The following MT3 variants were observed in gnomAD, a reference collection of about 807,000 sequenced individuals.
MT3 encodes the protein metallothionein 3, also known as metallothionein-3.
In MT3, 8 loss-of-function variants were observed where a neutral mutation model predicts 10.9. The observed-to-expected ratio is 0.73, with a 90% CI of 0.43 to 1.33. The LOEUF (loss-of-function observed/expected upper bound fraction) is 1.33, where lower values mean the gene tolerates loss of function less well. Among genes scored for constraint, MT3 ranks in the 40% most tolerant of loss-of-function variants. The pLI, the probability that MT3 is intolerant of heterozygous loss-of-function variation, is 0.01. For synonymous variants in MT3, 32 were observed against 29.9 expected (o/e 1.07, Z -0.23); for missense variants, 75 against 83.9 (o/e 0.89, Z 0.41).
chr16:56,589,930 A>G lies in MT3; in HGVS notation c.92A>G (p.Lys31Arg), dbSNP rs147656753. 63 of 1,613,964 alleles carry G rather than the reference A, an allele frequency of 3.9e-5. No homozygotes were observed. Among genetic ancestry groups the G allele is most frequent in the Middle Eastern group, 1.6e-4 (1 of 6,084 alleles). Residue 31 changes from lysine to arginine, a missense_variant, in exon 2 of 3, where the codon AAG becomes AGG. By Grantham distance (26) the Lys-to-Arg change is conservative. Transcript: ENST00000200691. The part of the protein sequence containing the change: ...KCEGCKCTSC[K>R]KSCCSCCPAE... Reference sequence around the variant, plus strand: ...GAGGGATGCAAATGCACCTCCTGCAAGAAGAGTGAGTGCGGGGACCCTTCC... The same window carrying G: ...GAGGGATGCAAATGCACCTCCTGCAGGAAGAGTGAGTGCGGGGACCCTTCC...
At chr16:56,590,766 C>A in intron 2 of MT3, 74 bp from the exon 3 acceptor site, 1 of 1,466,274 alleles carries the variant, frequency 6.8e-7, no homozygotes. Context: ...ACCCAGCACC[C>A]TTCCCTCCCC....
At chr16:56,590,631 G>A (rs1959810933) in intron 2 of MT3, 2 of 581,314 alleles carry the variant, frequency 3.4e-6, no homozygotes, top group East Asian at 2.9e-5. Flanking sequence ...GTCATTTCCT[G>A]GGTACCTCAC....
intron 2 of MT3, 35 bp downstream of exon 2, chr16:56,589,970 C>G (rs776637815): frequency 1.9e-6 from 3 of 1,609,036 alleles, no homozygotes; most frequent in South Asian, 1.1e-5. Flanking sequence ...TGCCGCCGCC[C>G]CCTCTGCTCT....
At chr16:56,589,773 C>T (rs781479270) in intron 1 of MT3, 97 bp from the exon 2 acceptor site, 7 of 1,576,742 alleles carry the variant, frequency 4.4e-6, no homozygotes, top group Admixed American at 1.7e-5. Flanking sequence ...GCCTGTGTCG[C>T]GGAGAACAGG....
chr16:56,589,771 C>T, intron 1 of MT3, 99 bp from the exon 2 acceptor site: 2 of 1,574,550 alleles, frequency 1.3e-6, no homozygotes, highest in East Asian at 2.2e-5. Context: ...ATGCCTGTGT[C>T]GCGGAGAACA....
In MT3 at chr16:56,589,955, C is replaced by T. The variant is rs1185965892; in HGVS notation, c.97+20C>T. 1.3e-5 allele frequency: 21 copies of T among 1,613,332 alleles called. No individual in the cohort carries two copies. The highest frequency in any genetic ancestry group is 1.7e-5 in the Non-Finnish European group (20 of 1,179,648). On this transcript the variant is annotated intron_variant, in intron 2 of 2. Coordinates refer to ENST00000200691, the MANE Select transcript of MT3 (RefSeq NM_005954.4). ...AGAAGAGTGAGTGCGGGGACCCTTC[C>T]CCTCTGCCGCCGCCCCCTCTGCTCT... is the stretch of plus-strand genomic sequence containing the variant.
chr16:56,590,939 G>A lies in MT3; in HGVS notation c.197G>A (p.Cys66Tyr). 3.7e-6 allele frequency: 6 copies of A among 1,613,262 alleles called. No individual in the cohort carries two copies. Among genetic ancestry groups the A allele is most frequent in the Non-Finnish European group, 5.1e-6 (6 of 1,179,774 alleles). The change falls in exon 3 of 3, where the codon TGC (cysteine) becomes TAC (tyrosine). Residue 66 changes from cysteine to tyrosine, a missense_variant. Physicochemically the swap from Cys to Tyr is radical, Grantham distance 194. Coordinates refer to ENST00000200691, the MANE Select transcript of MT3 (RefSeq NM_005954.4). ...AAEAEAEKCS[C>Y]CQ ...GAGGCAGAAGCAGAGAAGTGCAGCT[G>A]CTGCCAGTGAGAAGGCACCCCTCCG...
chr16:56,589,619 C>T lies in MT3; in HGVS notation c.29C>T (p.Ser10Phe), dbSNP rs1567334543. The T allele has an allele frequency of 1.2e-6, 2 of 1,605,798 alleles. No homozygotes were observed. The highest frequency in any genetic ancestry group is 1.7e-6 in the Non-Finnish European group (2 of 1,179,382). ...GACCCTGAGACCTGCCCCTGCCCTT[C>T]TGGTGAGCCCCCGCCCCCGCTCGCA... MDPETCPCP[S>F]GGSCTCADSC... is the part of the protein sequence containing the mutation. Residue 10 changes from serine (S) to phenylalanine (F), a missense_variant and splice_region_variant, in exon 1 of 3, where the codon TCT becomes TTT. Ser to Phe is a radical substitution (Grantham distance 155). Transcript: ENST00000200691.
rs867772169 is a variant in MT3 at position 56,590,239 on chromosome 16, C to G, written c.97+304C>G. The G allele has an allele frequency of 6.8e-5, 41 of 606,174 alleles. No homozygotes were observed. The Middle Eastern group carries it at 1.6e-3, about 23-fold the overall frequency. 37.5% of individuals were successfully genotyped at this position (606,174 alleles called of 1,614,324 possible). ...CCCATCCCTCAAAAACTCCCCAAAA[C>G]CTGGGGAAGCCATTAGTGAGGCTGC... is the stretch of plus-strand genomic sequence containing the variant. On this transcript the variant is annotated intron_variant, in intron 2 of 2. Coordinates refer to ENST00000200691, the MANE Select transcript of MT3 (RefSeq NM_005954.4).
Position 56,589,637 on chromosome 16 carries a change from C to G in MT3, c.31+16C>G. The G allele has an allele frequency of 2.5e-6, 4 of 1,605,624 alleles. No individual in the cohort carries two copies. Among genetic ancestry groups the G allele is most frequent in the South Asian group, 1.1e-5 (1 of 91,008 alleles). On this transcript the variant is annotated intron_variant, in intron 1 of 2. Transcript: ENST00000200691. ...TGCCCTTCTGGTGAGCCCCCGCCCC[C>G]GCTCGCATCCTGCGCACTGCGCGCC...
At chr16:56,590,608 C>T in intron 2 of MT3, 1 of 560,306 alleles carries the variant, frequency 1.8e-6, no homozygotes, top group Non-Finnish European at 3.2e-6. Context: ...TGGCATCCAC[C>T]CAAGGGGCTC....
intron 2 of MT3, chr16:56,590,147 T>A: frequency 1.4e-6 from 1 of 698,428 alleles, no homozygotes; most frequent in South Asian, 1.5e-5. Context: ...GAGGTTTTTG[T>A]AAATCCCCAG....
At position 56,589,929 on chromosome 16, in the gene MT3, A is replaced by G; in HGVS notation, c.91A>G (p.Lys31Glu). Reference sequence around the variant, plus strand: ...CGAGGGATGCAAATGCACCTCCTGCAAGAAGAGTGAGTGCGGGGACCCTTC... The same window carrying G: ...CGAGGGATGCAAATGCACCTCCTGCGAGAAGAGTGAGTGCGGGGACCCTTC... ...KCEGCKCTSC[K>E]KSCCSCCPAE... The change falls in exon 2 of 3, where the codon AAG becomes GAG. Residue 31 changes from lysine to glutamate, a missense_variant. Coordinates refer to ENST00000200691, the MANE Select transcript of MT3 (RefSeq NM_005954.4). 3 of 1,614,010 alleles carry G rather than the reference A, an allele frequency of 1.9e-6. No individual in the cohort carries two copies. Among genetic ancestry groups the G allele is most frequent in the Non-Finnish European group, 2.5e-6 (3 of 1,180,002 alleles).
chr16:56,589,765 C>A, intron 1 of MT3, 105 bp from the exon 2 acceptor site: 1 of 1,575,822 alleles, frequency 6.3e-7, no homozygotes, highest in Non-Finnish European at 8.7e-7. Flanking sequence ...GCGGGCATGC[C>A]TGTGTCGCGG....
intron 2 of MT3, 22 bp downstream of exon 2, chr16:56,589,957 C>G: frequency 6.2e-7 from 1 of 1,613,350 alleles, no homozygotes; most frequent in Non-Finnish European, 8.5e-7. Flanking sequence ...GACCCTTCCC[C>G]TCTGCCGCCG....
At chr16:56,590,198 G>C in intron 2 of MT3, 2 of 637,540 alleles carry the variant, frequency 3.1e-6, no homozygotes, top group Admixed American at 4.7e-5. Context: ...TGCCACACTG[G>C]TCCAACCTTT....
intron 2 of MT3, chr16:56,590,337 C>T: frequency 3.4e-6 from 2 of 583,006 alleles, no homozygotes; most frequent in Non-Finnish European, 6.1e-6. Flanking sequence ...ATCTCAAAAT[C>T]TCCCCAGCTC....
intron 2 of MT3, chr16:56,590,154 C>T: frequency 1.5e-6 from 1 of 687,276 alleles, no homozygotes; most frequent in East Asian, 2.7e-5. Context: ...TTGTAAATCC[C>T]CAGAAGACTC....
rs551025702 is a variant in MT3, at chr16:56,590,540, C to G, written c.98-300C>G. 8.6e-6 allele frequency: 4 copies of G among 467,026 alleles called. No individual in the cohort carries two copies. In the East Asian group the frequency reaches 1.2e-4, roughly 14 times the overall value. 28.9% of individuals were successfully genotyped at this position (467,026 alleles called of 1,614,324 possible). ...GGTCGTTTACCCTGTGATGCTTTCT[C>G]CTTAAGGCCTAGTACCCACCTAAGC... On this transcript the variant is annotated intron_variant, in intron 2 of 2. Coordinates refer to ENST00000200691, the MANE Select transcript of MT3 (RefSeq NM_005954.4).
Sources: gnomAD v4.1 joint callset for allele counts on GRCh38, gnomAD v4.1.1 for gene constraint, MANE v1.5 for transcripts, NCBI Gene and HGNC (gene_info 2026-07-23, HGNC 2026-07-21) for gene names.